DENND1A: variants seen among roughly 807,000 people sequenced by gnomAD.
DENND1A encodes the protein DENN domain containing 1A.
DENND1A carries 51 observed loss-of-function variants against 113.7 expected under a neutral mutation model. The observed-to-expected ratio is 0.45, with a 90% CI of 0.36 to 0.57. DENND1A has a LOEUF of 0.57. Ranked by LOEUF, DENND1A falls within the 20% of genes least tolerant of loss-of-function variation. The probability of loss-of-function intolerance (pLI) is 0.00; values close to 1 mark genes in which losing one functional copy is unlikely to be tolerated. For missense variants in DENND1A, 1,258 were observed against 1,395.9 expected (o/e 0.90, Z 1.57); for synonymous variants, 565 against 570.8 (o/e 0.99, Z 0.14).
At chr9:123,888,347 A>C (rs1849404270) in intron 1 of DENND1A, among the ~76,000 whole-genome samples, 1 of 152,372 alleles carries the variant, frequency 6.6e-6, no homozygotes, top group Middle Eastern at 3.4e-3. Flanking sequence ...AGAAGCCATG[A>C]GTTCATACGC....
At chr9:123,892,282 T>C (rs144354627) in intron 1 of DENND1A, among the ~76,000 whole-genome samples, 18 of 152,162 alleles carry the variant, frequency 1.2e-4, no homozygotes, top group East Asian at 1.2e-3. Flanking sequence ...TTGGATAGAG[T>C]ACACAATAGA....
intron 13 of DENND1A, among the ~76,000 whole-genome samples, chr9:123,531,546 T>A: frequency 1.0e-5 from 1 of 98,902 alleles, no homozygotes; most frequent in South Asian, 3.3e-4. Flanking sequence ...TCTTCCCCCC[T>A]CTCTCTCTAC....
intron 5 of DENND1A, chr9:123,736,451 A>G (rs1054031768): frequency 8.5e-5 from 13 of 152,206 alleles, no homozygotes; most frequent in African/African-American, 3.1e-4. Context: ...CTTCCTCAGG[A>G]GAGCTGTTAG....
At chr9:123,387,964 C>T (rs1477206227) in intron 21 of DENND1A, 106 bp from the exon 22 acceptor site, 2 of 1,147,022 alleles carry the variant, frequency 1.7e-6, no homozygotes, top group East Asian at 6.0e-5. Flanking sequence ...CCTGGCCCTG[C>T]CTCTGTGTGC....
intron 5 of DENND1A, among the ~76,000 whole-genome samples, chr9:123,718,480 C>G (rs1352091582): frequency 1.3e-5 from 2 of 152,206 alleles, no homozygotes; most frequent in African/African-American, 4.8e-5. Context: ...CACTGAGCAG[C>G]AGCAAAATAA....
intron 13 of DENND1A, among the ~76,000 whole-genome samples, chr9:123,549,102 A>G (rs2056884817): frequency 6.6e-6 from 1 of 152,114 alleles, no homozygotes; most frequent in East Asian, 1.9e-4. Flanking sequence ...TCCTTAAAGC[A>G]TGGGCTCTTT....
chr9:123,384,968 A>C (rs2042480204), intron 22 of DENND1A, among the ~76,000 whole-genome samples: 1 of 152,168 alleles, frequency 6.6e-6, no homozygotes, highest in Admixed American at 6.5e-5. Flanking sequence ...AGCAAAAAAC[A>C]AAACAAAACA....
intron 13 of DENND1A, among the ~76,000 whole-genome samples, chr9:123,539,035 A>G (rs1423330488): frequency 6.6e-6 from 1 of 151,944 alleles, no homozygotes; most frequent in Non-Finnish European, 1.5e-5. Context: ...CTGTCTCTTT[A>G]TAAAAATATT....
intron 1 of DENND1A, among the ~76,000 whole-genome samples, chr9:123,889,622 G>T (rs1417504172): frequency 6.6e-6 from 1 of 152,060 alleles, no homozygotes; most frequent in Non-Finnish European, 1.5e-5. Flanking sequence ...TACCAAAACT[G>T]AAGAAAAAGT....
chr9:123,781,200 G>A (rs898230918), intron 3 of DENND1A, among the ~76,000 whole-genome samples: 6 of 152,176 alleles, frequency 3.9e-5, no homozygotes, highest in African/African-American at 1.4e-4. Flanking sequence ...GGGCCTTAGG[G>A]TAGGGTAACC....
intron 2 of DENND1A, among the ~76,000 whole-genome samples, chr9:123,828,826 CAAG>C (rs1839770224): frequency 1.3e-5 from 2 of 152,068 alleles, no homozygotes; most frequent in Admixed American, 6.6e-5. Flanking sequence ...GAGATTCTGA[CAAG>C]AAGGTTGCAG....
chr9:123,574,559 G>T (rs2058533007), intron 12 of DENND1A, among the ~76,000 whole-genome samples: 3 of 152,064 alleles, frequency 2.0e-5, no homozygotes, highest in Non-Finnish European at 2.9e-5. Context: ...TAGATTTACA[G>T]AAAAGTTACA....
chr9:123,895,776 G>T lies in DENND1A; in HGVS notation c.18-16755C>A, dbSNP rs138883565. ...CATGCTCCATTCTCCCAATCTAAGG[G>T]GCTCAAGGAATTCAAGACAAAACGA... is the stretch of plus-strand genomic sequence containing the variant. On this transcript the variant is annotated intron_variant, in intron 1 of 23. Transcript: ENST00000394215. 3.3e-3 allele frequency among the ~76,000 whole-genome samples: 503 copies of T among 152,242 alleles called. 2 individuals carry two copies. Among genetic ancestry groups the T allele is most frequent in the African/African-American group, 0.011 (460 of 41,522 alleles).
At chr9:123,862,100 A>T (rs1006056616) in intron 2 of DENND1A, among the ~76,000 whole-genome samples, 18 of 152,294 alleles carry the variant, frequency 1.2e-4, no homozygotes, top group African/African-American at 2.6e-4. Flanking sequence ...TAATAAAAAA[A>T]AATTTTTTTT....
intron 4 of DENND1A, among the ~76,000 whole-genome samples, chr9:123,767,754 T>C (rs1829058687): frequency 6.6e-6 from 1 of 152,140 alleles, no homozygotes; most frequent in Non-Finnish European, 1.5e-5. Flanking sequence ...ATTAATAGGA[T>C]TACTCTAAAA....
intron 11 of DENND1A, among the ~76,000 whole-genome samples, chr9:123,597,784 T>C (rs916121311): frequency 7.9e-5 from 12 of 152,124 alleles, no homozygotes; most frequent in Admixed American, 7.2e-4. Flanking sequence ...TCTTTATTTA[T>C]AAACCCCCTC....
At chr9:123,920,156 C>T (rs1196549510) in intron 1 of DENND1A, among the ~76,000 whole-genome samples, 1 of 151,968 alleles carries the variant, frequency 6.6e-6, no homozygotes, top group Non-Finnish European at 1.5e-5. Context: ...TAAGGCCGGG[C>T]ATGGTGGCTC....
At chr9:123,444,559 C>T (rs2047162080) in intron 18 of DENND1A, among the ~76,000 whole-genome samples, 3 of 152,086 alleles carry the variant, frequency 2.0e-5, no homozygotes, top group Admixed American at 6.6e-5. Context: ...GAGGCTGAGG[C>T]AAGAAAATTG....
intron 16 of DENND1A, among the ~76,000 whole-genome samples, chr9:123,454,255 G>T (rs748576900): frequency 2.6e-5 from 4 of 152,208 alleles, no homozygotes; most frequent in Non-Finnish European, 4.4e-5. Flanking sequence ...GGAAAGGCAA[G>T]ATTTCGAATT....
Sources: gnomAD v4.1 joint callset for allele counts (sites outside exome capture counted in the v4.1 genomes callset) on GRCh38, gnomAD v4.1.1 for gene constraint, MANE v1.5 for transcripts, NCBI Gene and HGNC (gene_info 2026-07-23, HGNC 2026-07-21) for gene names.